TMEM163: variants seen among roughly 807,000 people sequenced by gnomAD.
TMEM163 encodes the protein transmembrane protein 163.
Under a neutral mutation model 29.3 loss-of-function variants are expected in TMEM163, and 17 were observed. That is an observed-to-expected ratio of 0.58 (90% CI 0.40 to 0.87). TMEM163 has a LOEUF of 0.87. Ranked by LOEUF, TMEM163 falls within the 40% of genes least tolerant of loss-of-function variation. The pLI, the probability that TMEM163 is intolerant of heterozygous loss-of-function variation, is 0.00. For missense variants in TMEM163, 303 were observed against 381.5 expected (o/e 0.79, Z 1.71); for synonymous variants, 157 against 160.6 (o/e 0.98, Z 0.17).
intron 2 of TMEM163, among the ~76,000 whole-genome samples, chr2:134,654,650 C>CT (rs1191262358): frequency 8.5e-6 from 1 of 118,328 alleles, no homozygotes; most frequent in African/African-American, 4.1e-5. Context: ...TCTCGATGGT[C>CT]TTTACATTTT....
At chr2:134,549,473 G>A (rs113167432) in intron 4 of TMEM163, among the ~76,000 whole-genome samples, 1 of 152,044 alleles carries the variant, frequency 6.6e-6, no homozygotes, top group Non-Finnish European at 1.5e-5. Context: ...TCAGCCTCCC[G>A]AGTAGGTGAG....
chr2:134,634,034 T>G (rs1683048698), intron 2 of TMEM163, among the ~76,000 whole-genome samples: 1 of 134,046 alleles, frequency 7.5e-6, no homozygotes, highest in Admixed American at 8.0e-5. Context: ...AGGACTGTTT[T>G]AAGATGCAAA....
intron 4 of TMEM163, among the ~76,000 whole-genome samples, chr2:134,533,562 G>A (rs1182835335): frequency 6.6e-6 from 1 of 152,126 alleles, no homozygotes; most frequent in African/African-American, 2.4e-5. Context: ...AAATCAATGA[G>A]ACGAATGAAA....
chr2:134,635,820 T>C (rs899028479), intron 2 of TMEM163, among the ~76,000 whole-genome samples: 2 of 151,992 alleles, frequency 1.3e-5, no homozygotes, highest in African/African-American at 4.8e-5. Context: ...AAGTGGGGAT[T>C]GGAAAAGAGT....
At chr2:134,556,232 T>C (rs2104774036) in intron 2 of TMEM163, among the ~76,000 whole-genome samples, 1 of 152,320 alleles carries the variant, frequency 6.6e-6, no homozygotes, top group East Asian at 1.9e-4. Flanking sequence ...ACTCCTCAAA[T>C]ACATTAGCCA....
chr2:134,481,629 A>AAT (rs1679185907), intron 5 of TMEM163, among the ~76,000 whole-genome samples: 1 of 152,120 alleles, frequency 6.6e-6, no homozygotes, highest in Admixed American at 6.5e-5. Context: ...AAAATGGACT[A>AAT]ATATACTAGG....
Position 134,645,896 on chromosome 2 carries a change from A to T in TMEM163, c.322+67304T>A, listed in dbSNP as rs1337717849. Reference sequence around the variant, plus strand: ...TGGTGGTAGTTAACATGATCTTACAATTGTTAAAAGTCATGGTACTGTATA... The same window carrying T: ...TGGTGGTAGTTAACATGATCTTACATTTGTTAAAAGTCATGGTACTGTATA... On this transcript the variant is annotated intron_variant, in intron 2 of 7. Coordinates refer to ENST00000281924, the MANE Select transcript of TMEM163 (RefSeq NM_030923.5). Among the ~76,000 whole-genome samples, 4 of 152,276 alleles carry T rather than the reference A, an allele frequency of 2.6e-5. No homozygotes were observed. In the East Asian group the frequency reaches 7.7e-4, roughly 29 times the overall value.
chr2:134,554,933 T>A (rs1176194167), intron 2 of TMEM163, among the ~76,000 whole-genome samples: 1 of 152,180 alleles, frequency 6.6e-6, no homozygotes, highest in African/African-American at 2.4e-5. Flanking sequence ...CATTTACTTA[T>A]AAATTGGCTC....
At chr2:134,651,488 G>A (rs1683478172) in intron 2 of TMEM163, among the ~76,000 whole-genome samples, 8 of 108,026 alleles carry the variant, frequency 7.4e-5, no homozygotes, top group Admixed American at 2.8e-4. Flanking sequence ...CTCCCATTTT[G>A]TAGGTTGCCT....
At chr2:134,617,475 A>G (rs1277436822) in intron 2 of TMEM163, among the ~76,000 whole-genome samples, 1 of 151,952 alleles carries the variant, frequency 6.6e-6, no homozygotes, top group Admixed American at 6.6e-5. Context: ...GGTGGCGGGC[A>G]CCTGTAATCC....
intron 2 of TMEM163, among the ~76,000 whole-genome samples, chr2:134,576,602 G>A (rs1219758852): frequency 1.3e-5 from 2 of 152,128 alleles, no homozygotes; most frequent in African/African-American, 4.8e-5. Context: ...CACACAAAAA[G>A]GAACCAAGAG....
intron 5 of TMEM163, among the ~76,000 whole-genome samples, chr2:134,494,826 T>C (rs1679511040): frequency 6.6e-6 from 1 of 152,204 alleles, no homozygotes; most frequent in African/African-American, 2.4e-5. Flanking sequence ...TTAACCCCTA[T>C]GCTCCGGGTC....
At chr2:134,612,583 T>C (rs558343977) in intron 2 of TMEM163, among the ~76,000 whole-genome samples, 4 of 58,686 alleles carry the variant, frequency 6.8e-5, no homozygotes, top group Non-Finnish European at 1.6e-4. Context: ...ACACAGCTCC[T>C]TGGCAAAGGA....
chr2:134,534,703 G>A (rs950057231), intron 4 of TMEM163, among the ~76,000 whole-genome samples: 3 of 152,036 alleles, frequency 2.0e-5, no homozygotes, highest in Admixed American at 1.3e-4. Context: ...GCAGTGAACC[G>A]AGATCGCACC....
At chr2:134,665,622 C>T (rs922401731) in intron 2 of TMEM163, among the ~76,000 whole-genome samples, 1 of 152,086 alleles carries the variant, frequency 6.6e-6, no homozygotes, top group African/African-American at 2.4e-5. Context: ...CAGAACAGTG[C>T]AATACTAGGT....
intron 2 of TMEM163, among the ~76,000 whole-genome samples, chr2:134,585,688 GT>G: frequency 6.6e-6 from 1 of 150,900 alleles, no homozygotes; most frequent in Non-Finnish European, 1.5e-5. Flanking sequence ...CTTGCAGTGA[GT>G]CTAGATCGCG....
At chr2:134,465,215 C>T (rs984970551) in intron 6 of TMEM163, among the ~76,000 whole-genome samples, 1 of 124,308 alleles carries the variant, frequency 8.0e-6, no homozygotes, top group African/African-American at 4.1e-5. Flanking sequence ...AAAAACAAAA[C>T]AAAAATATAT....
chr2:134,466,997 T>C (rs371319333), intron 5 of TMEM163: 4 of 152,212 alleles, frequency 2.6e-5, no homozygotes, highest in Admixed American at 2.6e-4. Context: ...AGAACTCTGA[T>C]GCAGCATCAT....
chr2:134,685,579 A>G (rs1684334228), intron 2 of TMEM163, among the ~76,000 whole-genome samples: 1 of 152,216 alleles, frequency 6.6e-6, no homozygotes, highest in African/African-American at 2.4e-5. Context: ...CTTTCAAGAA[A>G]AGTCACTGTA....
Sources: gnomAD v4.1 joint callset for allele counts (sites outside exome capture counted in the v4.1 genomes callset) on GRCh38, gnomAD v4.1.1 for gene constraint, MANE v1.5 for transcripts, NCBI Gene and HGNC (gene_info 2026-07-23, HGNC 2026-07-21) for gene names.